The following LIPC variants were observed in gnomAD, a reference collection of about 807,000 sequenced individuals.
LIPC encodes hepatic triacylglycerol lipase.
Under a neutral mutation model 50.7 loss-of-function variants are expected in LIPC, and 44 were observed. That is an observed-to-expected ratio of 0.87 (90% CI 0.68 to 1.11). The LOEUF is 1.11. Ranked by LOEUF, LIPC falls within the 50% of genes most tolerant of loss-of-function variation. The probability of loss-of-function intolerance (pLI) is 0.00; values close to 1 mark genes in which losing one functional copy is unlikely to be tolerated. For synonymous variants in LIPC, 271 were observed against 256.4 expected (o/e 1.06, Z -0.54); for missense variants, 697 against 648.2 (o/e 1.08, Z -0.82).
At chr15:58,505,652 C>G (rs1892124613) in intron 1 of LIPC, among the ~76,000 whole-genome samples, 2 of 152,300 alleles carry the variant, frequency 1.3e-5, no homozygotes, top group African/African-American at 2.4e-5. Flanking sequence ...TCAACCAGCC[C>G]TTCCCTTCTT....
chr15:58,506,988 G>A (rs141438044), intron 1 of LIPC, among the ~76,000 whole-genome samples: 1 of 152,182 alleles, frequency 6.6e-6, no homozygotes, highest in Non-Finnish European at 1.5e-5. Context: ...CCAGCGAAGG[G>A]GTAGGGGAAG....
At chr15:58,540,284 G>A (rs1323366500) in intron 2 of LIPC, among the ~76,000 whole-genome samples, 1 of 152,080 alleles carries the variant, frequency 6.6e-6, no homozygotes, top group African/African-American at 2.4e-5. Flanking sequence ...TCCTATTACT[G>A]CTAATATTAA....
At chr15:58,521,147 A>T (rs1179023143) in intron 1 of LIPC, among the ~76,000 whole-genome samples, 1 of 152,122 alleles carries the variant, frequency 6.6e-6, no homozygotes, top group African/African-American at 2.4e-5. Context: ...GTGAGAAGTA[A>T]AGCAGAGCAG....
chr15:58,460,902 T>C (rs905162935), intron 1 of LIPC, among the ~76,000 whole-genome samples: 5 of 152,274 alleles, frequency 3.3e-5, no homozygotes, highest in African/African-American at 4.8e-5. Flanking sequence ...ATGGGCCAGA[T>C]TGGTGCTTCT....
intron 1 of LIPC, among the ~76,000 whole-genome samples, chr15:58,528,249 GGAACATTCCTGCA>G (rs1209434114): frequency 2.6e-5 from 4 of 152,152 alleles, no homozygotes; most frequent in Non-Finnish European, 5.9e-5. Flanking sequence ...TCCAGGGAGG[GGAACATTCCTGCA>G]GAACAGCCAG....
intron 1 of LIPC, among the ~76,000 whole-genome samples, chr15:58,479,798 A>G (rs188274440): frequency 2.0e-5 from 3 of 152,292 alleles, no homozygotes; most frequent in East Asian, 1.9e-4. Context: ...CATTTCTCCA[A>G]TACCTTCACT....
At chr15:58,446,652 C>T (rs575080018) in intron 1 of LIPC, among the ~76,000 whole-genome samples, 2 of 152,196 alleles carry the variant, frequency 1.3e-5, no homozygotes, top group East Asian at 3.9e-4. Context: ...TCTCCCATGG[C>T]GCTGGCTCCT....
At chr15:58,514,422 C>A (rs1374531848) in intron 1 of LIPC, among the ~76,000 whole-genome samples, 1 of 152,138 alleles carries the variant, frequency 6.6e-6, no homozygotes, top group African/African-American at 2.4e-5. Flanking sequence ...TAGGATTATG[C>A]ACTATTTCAT....
At chr15:58,548,701 C>A in intron 6 of LIPC, 129 bp downstream of exon 6, 1 of 1,285,862 alleles carries the variant, frequency 7.8e-7, no homozygotes, top group Non-Finnish European at 1.1e-6. Context: ...TGAAACTGTG[C>A]AGGCTCCAGA....
At chr15:58,508,948 G>A (rs1347633931) in intron 1 of LIPC, among the ~76,000 whole-genome samples, 1 of 152,030 alleles carries the variant, frequency 6.6e-6, no homozygotes, top group Non-Finnish European at 1.5e-5. Context: ...TGTAGGCAGA[G>A]CTCCCTCATT....
intron 7 of LIPC, among the ~76,000 whole-genome samples, chr15:58,562,745 G>A (rs1029250416): frequency 2.6e-5 from 4 of 152,000 alleles, no homozygotes; most frequent in Non-Finnish European, 5.9e-5. Context: ...CAGGGCGGGG[G>A]GATTCCTAAA....
chr15:58,537,092 C>A (rs1893148233), intron 1 of LIPC, among the ~76,000 whole-genome samples: 1 of 152,252 alleles, frequency 6.6e-6, no homozygotes, highest in African/African-American at 2.4e-5. Flanking sequence ...GGGAGCCCAC[C>A]TTCTACCAGA....
intron 1 of LIPC, among the ~76,000 whole-genome samples, chr15:58,520,112 G>GT (rs10631480): frequency 0.49 from 60,357 of 122,272 alleles, 15,205 homozygotes; most frequent in East Asian, 0.65. Context: ...GTTTTGGGCT[G>GT]TTTTTTTTTT....
chr15:58,471,268 C>G (rs572067701), intron 1 of LIPC, among the ~76,000 whole-genome samples: 1 of 143,448 alleles, frequency 7.0e-6, no homozygotes, highest in South Asian at 2.3e-4. Context: ...TCCCGAGTAG[C>G]TGGGATTACA....
At chr15:58,455,221 A>C (rs139086063) in intron 1 of LIPC, among the ~76,000 whole-genome samples, 11 of 152,238 alleles carry the variant, frequency 7.2e-5, no homozygotes, top group Admixed American at 2.6e-4. Context: ...TTTTCTCTGT[A>C]AAGGGCCAGA....
chr15:58,447,010 TG>T (rs1893718946), intron 1 of LIPC, among the ~76,000 whole-genome samples: 1 of 151,636 alleles, frequency 6.6e-6, no homozygotes, highest in Non-Finnish European at 1.5e-5. Context: ...TAGCCAGGTG[TG>T]GTGGTACGTG....
intron 1 of LIPC, among the ~76,000 whole-genome samples, chr15:58,515,475 C>G (rs1178166182): frequency 6.6e-6 from 1 of 151,646 alleles, no homozygotes; most frequent in African/African-American, 2.4e-5. Context: ...TGGATATAAC[C>G]ACATCAGAAT....
In LIPC at chr15:58,545,946, A is replaced by G. The variant is rs1893513657; in HGVS notation, c.779A>G (p.Tyr260Cys). 6.2e-7 allele frequency: 1 copy of G among 1,614,114 alleles called. No homozygotes were observed. The highest frequency in any genetic ancestry group is 8.5e-7 in the Non-Finnish European group (1 of 1,179,934). ...CCTGGCTGCCACTTCCTAGAGCTCT[A>G]CAGACATATTGCCCAGCACGGCTTC... The part of the protein sequence containing the change: ...FQPGCHFLEL[Y>C]RHIAQHGFNA... Residue 260 changes from tyrosine to cysteine, a missense_variant, in exon 5 of 9, where the codon TAC becomes TGC. Tyr to Cys is a radical substitution (Grantham distance 194, BLOSUM62 -2). Transcript: ENST00000299022.
intron 1 of LIPC, chr15:58,436,077 G>T (rs1457705709): frequency 2.6e-5 from 4 of 152,198 alleles, no homozygotes; most frequent in African/African-American, 9.7e-5. Context: ...TAAATATTGT[G>T]TTCTACATTG....
Sources: allele counts gnomAD v4.1 joint callset (sites outside exome capture counted in the v4.1 genomes callset), GRCh38; gene constraint gnomAD v4.1.1; transcripts MANE v1.5; gene names NCBI Gene and HGNC (gene_info 2026-07-23, HGNC 2026-07-21).